TRPM7: variants seen among roughly 807,000 people sequenced by gnomAD.
TRPM7 encodes the protein transient receptor potential cation channel subfamily M member 7.
Under a neutral mutation model 229.7 loss-of-function variants are expected in TRPM7, and 134 were observed. The ratio of observed to expected loss-of-function variants is 0.58; its 90% CI spans 0.51 to 0.67. TRPM7 has a LOEUF of 0.67. TRPM7 is among the 30% of genes least tolerant of loss of function. The probability of loss-of-function intolerance (pLI) is 0.00; values close to 1 mark genes in which losing one functional copy is unlikely to be tolerated. For missense variants in TRPM7, 1,901 were observed against 2,210.0 expected, an observed-to-expected ratio of 0.86 and a Z score of 2.80; for synonymous variants, 699 against 715.2, an observed-to-expected ratio of 0.98 and a Z score of 0.36.
At chr15:50,624,844 A>G (rs1240427228) in intron 11 of TRPM7, among the ~76,000 whole-genome samples, 1 of 152,212 alleles carries the variant, frequency 6.6e-6, no homozygotes, top group African/African-American at 2.4e-5. Context: ...GTATTTCATC[A>G]TAGTTTTTGT....
chr15:50,610,339 T>G (rs555336598), intron 17 of TRPM7, among the ~76,000 whole-genome samples: 2 of 152,260 alleles, frequency 1.3e-5, no homozygotes, highest in Admixed American at 1.3e-4. Context: ...TTATCCTAAA[T>G]CTCTTTGCAA....
chr15:50,622,719 C>T (rs964521093), intron 12 of TRPM7, among the ~76,000 whole-genome samples: 5 of 152,076 alleles, frequency 3.3e-5, no homozygotes, highest in Admixed American at 3.3e-4. Context: ...AACCCCATCT[C>T]CACTAAAAAT....
At chr15:50,588,317 C>G in intron 27 of TRPM7, 6 of 773,204 alleles carry the variant, frequency 7.8e-6, no homozygotes, top group Non-Finnish European at 9.4e-6. Context: ...AGGAAAAAAC[C>G]CAGGTAATCA....
At chr15:50,622,800 T>C (rs1333849288) in intron 12 of TRPM7, among the ~76,000 whole-genome samples, 2 of 151,686 alleles carry the variant, frequency 1.3e-5, no homozygotes, top group Non-Finnish European at 2.9e-5. Flanking sequence ...GCAGGAAAAT[T>C]GCTTGAACCC....
Position 50,619,785 on chromosome 15 carries a change from G to C in TRPM7, c.1454C>G (p.Thr485Ser), listed in dbSNP as rs1371706343. Reference protein sequence around the residue: ...EELYNTKQGPTNPMLFHLVRD... With the variant: ...EELYNTKQGPSNPMLFHLVRD... ...AACAAGATGAAACAGCATTGGATTA[G>C]TTGGACCTTGTTTCTTTAGGGAGAA... The change falls in exon 13 of 39, where the codon ACT (threonine) becomes AGT (serine). Residue 485 changes from threonine (T) to serine (S), a missense_variant. By Grantham distance (58) the Thr-to-Ser change is moderately conservative (BLOSUM62 1). Around this residue, in one of 8 missense-constraint regions of TRPM7, gnomAD observed 794 missense variants for 881.9 expected, o/e 0.90. Coordinates refer to ENST00000646667, the MANE Select transcript of TRPM7 (RefSeq NM_017672.6). 2 of 1,601,810 alleles carry C rather than the reference G, an allele frequency of 1.2e-6. No homozygotes were observed. Among genetic ancestry groups the C allele is most frequent in the Non-Finnish European group, 1.7e-6 (2 of 1,176,664 alleles).
chr15:50,679,826 T>C (rs1567130044), intron 1 of TRPM7, among the ~76,000 whole-genome samples: 1 of 151,058 alleles, frequency 6.6e-6, no homozygotes, highest in Non-Finnish European at 1.5e-5. Context: ...AGAGCCACCA[T>C]GCCCAGTCTT....
intron 20 of TRPM7, 28 bp downstream of exon 20, chr15:50,607,172 T>G (rs747212550): frequency 4.4e-6 from 7 of 1,591,044 alleles, no homozygotes; most frequent in African/African-American, 2.7e-5. Context: ...TACAGTAAAT[T>G]ATTGGTAGAA....
At chr15:50,608,350 C>A (rs1381052078) in intron 19 of TRPM7, among the ~76,000 whole-genome samples, 1 of 122,416 alleles carries the variant, frequency 8.2e-6, no homozygotes, top group African/African-American at 3.2e-5. Flanking sequence ...AGAATCCTCT[C>A]ATCTGTCTTT....
chr15:50,654,062 A>G (rs1321290976), intron 3 of TRPM7, among the ~76,000 whole-genome samples: 10 of 152,230 alleles, frequency 6.6e-5, no homozygotes, highest in Non-Finnish European at 1.5e-4. Flanking sequence ...TGAATGGACA[A>G]AAGAATCTAT....
At chr15:50,565,114 T>G (rs1302633669) in intron 38 of TRPM7, among the ~76,000 whole-genome samples, 3 of 152,028 alleles carry the variant, frequency 2.0e-5, no homozygotes, top group African/African-American at 7.2e-5. Context: ...CCCAAGTAGC[T>G]GGGATTACAG....
chr15:50,596,271 G>A lies in TRPM7; in HGVS notation c.3274C>T (p.Leu1092Phe), dbSNP rs1302236031. 6.6e-7 allele frequency: 1 copy of A among 1,525,032 alleles called. No homozygotes were observed. Among genetic ancestry groups the A allele is most frequent in the Non-Finnish European group, 8.8e-7 (1 of 1,135,088 alleles). The allele number at this position is 1,525,032 out of a possible 1,614,324, so 94.5% of individuals were successfully genotyped here. The change falls in exon 23 of 39, where the codon CTT becomes TTT. Residue 1092 changes from leucine (L) to phenylalanine (F), a missense_variant. Coordinates refer to ENST00000646667, the MANE Select transcript of TRPM7 (RefSeq NM_017672.6). Reference protein sequence around the residue: ...FVQYIIMVNLLIAFFNNVYLQ... With the variant: ...FVQYIIMVNLFIAFFNNVYLQ... ...AATTCTTACTTGAAAAATGCAATAA[G>A]AAGATTAACCATAATGATATACTGT...
chr15:50,570,171 T>TA lies in TRPM7; in HGVS notation c.5309-17dup. 2.6e-6 allele frequency: 4 copies of TA among 1,558,380 alleles called. No individual in the cohort carries two copies. The highest frequency in any genetic ancestry group is 1.8e-5 in the Admixed American group (1 of 54,576). ...TCACCAACACCTTTATATGTGTATATAAAAAAGACAAATAATTTATATTAT... is the reference window on the plus strand; with the variant it reads ...TCACCAACACCTTTATATGTGTATATAAAAAAAGACAAATAATTTATATTAT... On this transcript the variant is annotated splice_polypyrimidine_tract_variant and intron_variant, in intron 36 of 38. Transcript: ENST00000646667.
intron 2 of TRPM7, among the ~76,000 whole-genome samples, chr15:50,660,889 G>A (rs1233909441): frequency 6.6e-6 from 1 of 151,936 alleles, no homozygotes; most frequent in Admixed American, 6.6e-5. Flanking sequence ...ATTTTAAATG[G>A]CTAAAAATCG....
rs1247410683 is a variant in TRPM7, at chr15:50,678,258, C to CAAA, written c.3+8270_3+8272dup. On this transcript the variant is annotated intron_variant, in intron 1 of 38. Coordinates refer to ENST00000646667, the MANE Select transcript of TRPM7 (RefSeq NM_017672.6). ...CTCTCTCAAAAAAAAAAAACAAAAA[C>CAAA]AAAAACAAAAACAAAAACAAAAACC... Among the ~76,000 whole-genome samples, 2 of 111,462 alleles carry CAAA rather than the reference C, an allele frequency of 1.8e-5. 1 individual carries two copies. Among genetic ancestry groups the CAAA allele is most frequent in the Non-Finnish European group, 4.0e-5 (2 of 49,984 alleles). 73.1% of individuals were successfully genotyped at this position (111,462 alleles called of 152,430 possible).
At chr15:50,589,442 G>C in intron 27 of TRPM7, 150 bp downstream of exon 27, 1 of 533,406 alleles carries the variant, frequency 1.9e-6, no homozygotes, top group South Asian at 2.5e-5. Context: ...TTTTCAAACT[G>C]AGGACAGCTT....
intron 22 of TRPM7, among the ~76,000 whole-genome samples, chr15:50,597,131 T>C (rs761396368): frequency 1.3e-5 from 2 of 152,178 alleles, no homozygotes; most frequent in Non-Finnish European, 2.9e-5. Context: ...GCTGAAGAAA[T>C]AGCTAAAAGT....
chr15:50,672,920 A>C (rs2062021219), intron 1 of TRPM7, among the ~76,000 whole-genome samples: 1 of 150,656 alleles, frequency 6.6e-6, no homozygotes, highest in Non-Finnish European at 1.5e-5. Context: ...AAAAAAAAAA[A>C]AAAAAGCTTA....
At chr15:50,578,546 TA>T in intron 31 of TRPM7, 92 bp downstream of exon 31, 2 of 1,317,778 alleles carry the variant, frequency 1.5e-6, no homozygotes, top group East Asian at 2.4e-5. Context: ...GCTTGAAGTC[TA>T]AAATATCTTA....
Position 50,558,062 on chromosome 15 carries a change from TAATG to T in TRPM7, c.*3612_*3615del, listed in dbSNP as rs1314282945. On this transcript the variant is annotated 3_prime_UTR_variant, in exon 39 of 39. Transcript: ENST00000646667. ...ACACTTTCACATCATAGGGTAGTAA[TAATG>T]AACTTTAATAATCTTAAAAAAATAC... is the stretch of plus-strand genomic sequence containing the variant. 1.3e-5 allele frequency: 2 copies of T among 152,220 alleles called. No individual in the cohort carries two copies. Among genetic ancestry groups the T allele is most frequent in the Non-Finnish European group, 2.9e-5 (2 of 68,034 alleles). The allele number at this position is 152,220 out of a possible 1,614,324, so 9.4% of individuals were successfully genotyped here.
Sources: gnomAD v4.1 joint callset for allele counts (sites outside exome capture counted in the v4.1 genomes callset) on GRCh38, gnomAD v4.1.1 for gene constraint, gnomAD v4.1.1 regional missense constraint, MANE v1.5 for transcripts, NCBI Gene and HGNC (gene_info 2026-07-23, HGNC 2026-07-21) for gene names.